The following SETBP1 variants were observed in gnomAD, a reference collection of about 807,000 sequenced individuals.
SETBP1 encodes the protein SET-binding protein.
SETBP1 carries 9 observed loss-of-function variants against 101.0 expected under a neutral mutation model. The ratio of observed to expected loss-of-function variants is 0.09; its 90% CI spans 0.05 to 0.16. The LOEUF (loss-of-function observed/expected upper bound fraction) is 0.16, where lower values mean the gene tolerates loss of function less well. Ranked by LOEUF, SETBP1 falls within the 10% of genes least tolerant of loss-of-function variation. SETBP1 has a pLI of 1.00. For synonymous variants in SETBP1, 818 were observed against 788.5 expected (o/e 1.04, Z -0.63); for missense variants, 1,858 against 2,033.8 (o/e 0.91, Z 1.66).
At chr18:44,930,062 G>T (rs2070793114) in intron 3 of SETBP1, among the ~76,000 whole-genome samples, 1 of 152,178 alleles carries the variant, frequency 6.6e-6, no homozygotes, top group Non-Finnish European at 1.5e-5. Context: ...GTATGATATT[G>T]GCTGTGGATT....
At chr18:44,889,456 C>A (rs547960731) in intron 3 of SETBP1, among the ~76,000 whole-genome samples, 2 of 152,058 alleles carry the variant, frequency 1.3e-5, no homozygotes, top group Non-Finnish European at 1.5e-5. Context: ...CAGTTTGGCC[C>A]CAGTCATGTG....
At chr18:45,032,752 T>C (rs57239947) in intron 4 of SETBP1, among the ~76,000 whole-genome samples, 20,739 of 152,098 alleles carry the variant, frequency 0.14, 2,384 homozygotes, top group African/African-American at 0.32. Context: ...GTGCCCTCTC[T>C]TTACTAAGCT....
At chr18:44,844,725 G>A (rs1247899994) in intron 2 of SETBP1, among the ~76,000 whole-genome samples, 3 of 151,958 alleles carry the variant, frequency 2.0e-5, no homozygotes, top group African/African-American at 7.3e-5. Flanking sequence ...TCAGCAAGGC[G>A]GCATGTGCTA....
At chr18:44,849,907 CTGAG>C (rs750099464) in intron 2 of SETBP1, among the ~76,000 whole-genome samples, 83 of 152,298 alleles carry the variant, frequency 5.4e-4, no homozygotes, top group Non-Finnish European at 1.3e-4. Context: ...CTATTCCATA[CTGAG>C]TAATTATTTA....
intron 2 of SETBP1, among the ~76,000 whole-genome samples, chr18:44,868,507 C>A (rs1196129703): frequency 6.6e-6 from 1 of 151,966 alleles, no homozygotes; most frequent in Non-Finnish European, 1.5e-5. Context: ...CCAGTCTGAC[C>A]AACATGGAGA....
intron 2 of SETBP1, among the ~76,000 whole-genome samples, chr18:44,816,437 G>C (rs1295673599): frequency 6.6e-6 from 1 of 152,204 alleles, no homozygotes; most frequent in South Asian, 2.1e-4. Context: ...GGAGGAGAAG[G>C]GAGGGAGCCC....
At chr18:44,974,091 A>T (rs1348821036) in intron 4 of SETBP1, among the ~76,000 whole-genome samples, 1 of 152,230 alleles carries the variant, frequency 6.6e-6, no homozygotes, top group East Asian at 1.9e-4. Context: ...ATACAATTCA[A>T]ATTTGCTTAT....
intron 2 of SETBP1, among the ~76,000 whole-genome samples, chr18:44,728,974 T>C (rs1358054283): frequency 6.6e-6 from 1 of 152,120 alleles, no homozygotes; most frequent in Non-Finnish European, 1.5e-5. Context: ...CCAGATAGAG[T>C]TCTAAGCCCT....
At chr18:44,798,391 T>C (rs1158714287) in intron 2 of SETBP1, among the ~76,000 whole-genome samples, 3 of 152,012 alleles carry the variant, frequency 2.0e-5, no homozygotes, top group African/African-American at 7.2e-5. Context: ...CACACTGAGG[T>C]TAATTACAGA....
intron 2 of SETBP1, among the ~76,000 whole-genome samples, chr18:44,736,324 A>G (rs542617706): frequency 6.6e-6 from 1 of 152,330 alleles, no homozygotes; most frequent in South Asian, 2.1e-4. Flanking sequence ...GGCTGCAGCA[A>G]GTCATGATTG....
At chr18:44,982,213 G>T (rs2072129792) in intron 4 of SETBP1, among the ~76,000 whole-genome samples, 2 of 152,190 alleles carry the variant, frequency 1.3e-5, no homozygotes, top group Non-Finnish European at 2.9e-5. Flanking sequence ...TATACAAATT[G>T]GGTGAGGAAA....
chr18:44,963,524 GT>G (rs536951438), intron 4 of SETBP1, among the ~76,000 whole-genome samples: 3 of 151,808 alleles, frequency 2.0e-5, no homozygotes, highest in Admixed American at 1.3e-4. Flanking sequence ...TTAAATCTTT[GT>G]TTTTTTTAAT....
intron 4 of SETBP1, among the ~76,000 whole-genome samples, chr18:44,999,222 A>G (rs2072564329): frequency 6.6e-6 from 1 of 152,034 alleles, no homozygotes; most frequent in African/African-American, 2.4e-5. Flanking sequence ...TAGTCAGGTT[A>G]TTAGTTATTT....
chr18:45,030,990 G>GT (rs555401200), intron 4 of SETBP1, among the ~76,000 whole-genome samples: 2 of 151,702 alleles, frequency 1.3e-5, no homozygotes, highest in Non-Finnish European at 2.9e-5. Flanking sequence ...TTTTTGAAGG[G>GT]TTTTTTGTGT....
rs572452812 is a variant in SETBP1 at position 45,028,198 on chromosome 18, C to T, written c.4001-10287C>T. ...ACAACAGTCCCCAGAGTGTGATGTT[C>T]CCCTTCCTGTGTCCATGTGTTCTCA... On this transcript the variant is annotated intron_variant, in intron 4 of 5. Transcript: ENST00000649279. 1.5e-3 allele frequency among the ~76,000 whole-genome samples: 198 copies of T among 135,838 alleles called. 1 individual carries two copies. Among genetic ancestry groups the T allele is most frequent in the Admixed American group, 5.8e-3 (73 of 12,534 alleles). 89.1% of individuals were successfully genotyped at this position (135,838 alleles called of 152,430 possible). A position where few individuals can be genotyped will look rare whatever the true frequency, so the allele number is the denominator to read the frequency against.
intron 2 of SETBP1, among the ~76,000 whole-genome samples, chr18:44,719,251 C>T (rs1416907523): frequency 6.6e-6 from 1 of 152,104 alleles, no homozygotes; most frequent in Non-Finnish European, 1.5e-5. Flanking sequence ...CTGAAAGGCC[C>T]AGTGTATTCG....
chr18:44,818,768 C>G (rs1490221538), intron 2 of SETBP1, among the ~76,000 whole-genome samples: 1 of 151,564 alleles, frequency 6.6e-6, no homozygotes, highest in East Asian at 2.0e-4. Flanking sequence ...CACACACACA[C>G]ACACACACAC....
intron 3 of SETBP1, among the ~76,000 whole-genome samples, chr18:44,901,338 A>G (rs1295331301): frequency 2.6e-5 from 4 of 152,166 alleles, no homozygotes; most frequent in Non-Finnish European, 4.4e-5. Flanking sequence ...GAAAAGTTGA[A>G]AGAAAAATAA....
At chr18:44,845,127 A>G (rs2072699219) in intron 2 of SETBP1, among the ~76,000 whole-genome samples, 1 of 152,174 alleles carries the variant, frequency 6.6e-6, no homozygotes, top group Admixed American at 6.5e-5. Context: ...CAGTAATTAG[A>G]GAAGAGACAG....
Sources: gnomAD v4.1 joint callset for allele counts (sites outside exome capture counted in the v4.1 genomes callset) on GRCh38, gnomAD v4.1.1 for gene constraint, MANE v1.5 for transcripts, NCBI Gene and HGNC (gene_info 2026-07-23, HGNC 2026-07-21) for gene names.